The following C10orf90 variants were observed in gnomAD, a reference collection of about 807,000 sequenced individuals.
The protein encoded by C10orf90 is chromosome 10 open reading frame 90.
In C10orf90, 56 loss-of-function variants were observed where a neutral mutation model predicts 62.5. The observed-to-expected ratio is 0.90, with a 90% CI of 0.72 to 1.12. The LOEUF is 1.12. C10orf90 is among the 50% of genes most tolerant of loss of function. The probability of loss-of-function intolerance (pLI) is 0.00; values close to 1 mark genes in which losing one functional copy is unlikely to be tolerated. For synonymous variants in C10orf90, 386 were observed against 340.4 expected, an observed-to-expected ratio of 1.13 and a Z score of -1.47; for missense variants, 970 against 880.4, an observed-to-expected ratio of 1.10 and a Z score of -1.29.
chr10:126,443,096 A>G (rs891754130), intron 7 of C10orf90, among the ~76,000 whole-genome samples: 1 of 152,136 alleles, frequency 6.6e-6, no homozygotes, highest in Non-Finnish European at 1.5e-5. Context: ...GTCGTCACAC[A>G]CCTCAAGGAA....
At chr10:126,598,062 A>G (rs2804424) in intron 2 of C10orf90, among the ~76,000 whole-genome samples, 18,402 of 152,162 alleles carry the variant, frequency 0.12, 2,076 homozygotes, top group African/African-American at 0.28. Context: ...ACCCTATTTC[A>G]ATGGCATTCC....
chr10:126,511,298 G>A (rs1361541094), intron 3 of C10orf90, among the ~76,000 whole-genome samples: 1 of 152,210 alleles, frequency 6.6e-6, no homozygotes, highest in Non-Finnish European at 1.5e-5. Flanking sequence ...ACAACTCACT[G>A]CAGTGTGATA....
chr10:126,506,919 AGTGTGTGTGTGTGT>A (rs61651582), intron 3 of C10orf90, among the ~76,000 whole-genome samples: 1 of 149,336 alleles, frequency 6.7e-6, no homozygotes, highest in African/African-American at 2.5e-5. Flanking sequence ...CAGGAGGGCC[AGTGTGTGTGTGTGT>A]GTGTGTGTGT....
rs145344173 is a variant in C10orf90, at chr10:126,579,071, TA to T, written c.314-65133del. Among the ~76,000 whole-genome samples the T allele has an allele frequency of 8.2e-4, 117 of 142,548 alleles. 2 individuals are homozygous for T. In the East Asian group the frequency reaches 8.4e-3, roughly 10 times the overall value. The allele number at this position is 142,548 out of a possible 152,430, so 93.5% of individuals were successfully genotyped here. On this transcript the variant is annotated intron_variant, in intron 2 of 9. Transcript: ENST00000488181. ...TGTACTTCAATTAAAAGTTTTTTTT[TA>T]AAAAAAAAAACCTATCAGCTCTGCT...
intron 2 of C10orf90, among the ~76,000 whole-genome samples, chr10:126,626,407 G>A (rs562464032): frequency 1.9e-4 from 29 of 152,206 alleles, no homozygotes; most frequent in African/African-American, 5.5e-4. Context: ...GAAAGACGTC[G>A]CCTGGCTGGT....
chr10:126,451,373 TC>T (rs2134069220), intron 7 of C10orf90, among the ~76,000 whole-genome samples: 1 of 152,292 alleles, frequency 6.6e-6, no homozygotes, highest in East Asian at 1.9e-4. Context: ...GTATCAGCAC[TC>T]CTGTGTTCGT....
rs76733482 is a variant in C10orf90 at position 126,552,531 on chromosome 10, G to A, written c.314-38592C>T. Reference sequence around the variant, plus strand: ...TGGACAGGTTGTCCATCATCCAGGCGTTCTCGCTGCAAAGACCAGACTGAG... The same window carrying A: ...TGGACAGGTTGTCCATCATCCAGGCATTCTCGCTGCAAAGACCAGACTGAG... On this transcript the variant is annotated intron_variant, in intron 2 of 9. Coordinates refer to ENST00000488181, the MANE Select transcript of C10orf90 (RefSeq NM_001350921.2). 1.1e-3 allele frequency among the ~76,000 whole-genome samples: 163 copies of A among 152,304 alleles called. No homozygotes were observed. In the East Asian group the frequency reaches 0.02, roughly 18 times the overall value.
intron 2 of C10orf90, chr10:126,521,428 G>A (rs1863739049): frequency 3.2e-6 from 5 of 1,569,412 alleles, no homozygotes; most frequent in South Asian, 1.2e-5. Flanking sequence ...TACCTCTGTG[G>A]CTAGGCTCAG....
At chr10:126,635,007 C>G (rs949229988) in intron 2 of C10orf90, among the ~76,000 whole-genome samples, 2 of 152,208 alleles carry the variant, frequency 1.3e-5, no homozygotes, top group African/African-American at 2.4e-5. Context: ...ATTTTCAAAG[C>G]TGTCCAAGAA....
At chr10:126,526,011 C>T (rs1863930677) in intron 2 of C10orf90, among the ~76,000 whole-genome samples, 1 of 138,204 alleles carries the variant, frequency 7.2e-6, no homozygotes, top group Non-Finnish European at 1.5e-5. Flanking sequence ...ATAGCTTGTC[C>T]ACACCTGCCA....
intron 7 of C10orf90, among the ~76,000 whole-genome samples, chr10:126,444,768 A>C (rs1465491514): frequency 6.6e-6 from 1 of 152,208 alleles, no homozygotes; most frequent in African/African-American, 2.4e-5. Flanking sequence ...CTGATTTCAA[A>C]CTATACTATA....
intron 2 of C10orf90, among the ~76,000 whole-genome samples, chr10:126,544,246 A>G (rs951702711): frequency 2.0e-5 from 3 of 152,218 alleles, no homozygotes; most frequent in Non-Finnish European, 2.9e-5. Flanking sequence ...TACAGATGTG[A>G]AACTGCATCT....
At chr10:126,538,794 T>C (rs1006406268) in intron 2 of C10orf90, among the ~76,000 whole-genome samples, 3 of 152,228 alleles carry the variant, frequency 2.0e-5, no homozygotes, top group African/African-American at 7.2e-5. Context: ...TGTACCATTC[T>C]ACCTCTGCTT....
At chr10:126,667,969 G>T (rs1261139323) in intron 1 of C10orf90, among the ~76,000 whole-genome samples, 1 of 152,118 alleles carries the variant, frequency 6.6e-6, no homozygotes, top group Non-Finnish European at 1.5e-5. Context: ...TTTCAGTGCA[G>T]CAGGCTCTGC....
chr10:126,561,174 G>C (rs887811057), intron 2 of C10orf90, among the ~76,000 whole-genome samples: 1 of 152,058 alleles, frequency 6.6e-6, no homozygotes, highest in Non-Finnish European at 1.5e-5. Context: ...CATAACAGCT[G>C]GAAAAAAATC....
intron 1 of C10orf90, among the ~76,000 whole-genome samples, chr10:126,656,990 A>G (rs1385933838): frequency 6.6e-6 from 1 of 152,232 alleles, no homozygotes; most frequent in Non-Finnish European, 1.5e-5. Context: ...AAAAGAACCT[A>G]TAACTGACAA....
chr10:126,654,247 A>T (rs1268690997), intron 1 of C10orf90, among the ~76,000 whole-genome samples: 5 of 152,210 alleles, frequency 3.3e-5, no homozygotes, highest in Non-Finnish European at 7.3e-5. Flanking sequence ...AAAGTCCTAG[A>T]AGGCATCGTC....
intron 2 of C10orf90, among the ~76,000 whole-genome samples, chr10:126,615,242 G>C (rs970516918): frequency 6.6e-6 from 1 of 152,212 alleles, no homozygotes; most frequent in Non-Finnish European, 1.5e-5. Flanking sequence ...ACATGACCCA[G>C]TCCAGGGTCA....
rs1210281102 is a variant in C10orf90, at chr10:126,461,398, TA to T, written c.2010+2del. ...TCAAGCCAGGACACACAGAAGGCCT[TA>T]CTTGCAAGGTCAAAGATCTTGCAGG... On this transcript the variant is annotated splice_donor_variant, in intron 6 of 9. Transcript: ENST00000488181. LOFTEE classifies it high-confidence loss of function. 1.2e-6 allele frequency: 2 copies of T among 1,613,842 alleles called. No homozygotes were observed. Among genetic ancestry groups the T allele is most frequent in the Middle Eastern group, 1.7e-4 (1 of 6,050 alleles).
Sources: gnomAD v4.1 joint callset for allele counts (sites outside exome capture counted in the v4.1 genomes callset) on GRCh38, gnomAD v4.1.1 for gene constraint, MANE v1.5 for transcripts, NCBI Gene and HGNC (gene_info 2026-07-23, HGNC 2026-07-21) for gene names.